Variants in SOX6 observed in about 807,000 individuals in gnomAD.
SOX6 encodes the protein transcription factor SOX-6.
A neutral mutation model predicts 97.8 loss-of-function variants in SOX6; 11 were observed. That is an observed-to-expected ratio of 0.11 (90% CI 0.07 to 0.19). The LOEUF is 0.19. Among genes scored for constraint, SOX6 ranks in the 10% least tolerant of loss-of-function variants. The pLI, the probability that SOX6 is intolerant of heterozygous loss-of-function variation, is 1.00. For missense variants in SOX6, 810 were observed against 1,039.5 expected (o/e 0.78, Z 3.04); for synonymous variants, 360 against 371.4 (o/e 0.97, Z 0.35).
At chr11:16,514,531 T>A (rs1860932844) in intron 4 of SOX6, among the ~76,000 whole-genome samples, 1 of 152,056 alleles carries the variant, frequency 6.6e-6, no homozygotes, top group African/African-American at 2.4e-5. Flanking sequence ...TAATATTTAT[T>A]GTGTCAGAGT....
chr11:16,302,566 C>CTTTTTTTTTTTTTT (rs71044096), intron 3 of SOX6, among the ~76,000 whole-genome samples: 7 of 86,998 alleles, frequency 8.0e-5, no homozygotes, highest in Non-Finnish European at 1.3e-4. Flanking sequence ...TTCTTTTTTT[C>CTTTTTTTTTTTTTT]TTTTTTTTTT....
chr11:16,528,160 G>T (rs879893732), intron 4 of SOX6, among the ~76,000 whole-genome samples: 4 of 152,068 alleles, frequency 2.6e-5, no homozygotes, highest in Non-Finnish European at 4.4e-5. Flanking sequence ...AGGCCCGGTA[G>T]AAATTTTACA....
chr11:16,507,290 AT>A (rs1454987329), intron 4 of SOX6, among the ~76,000 whole-genome samples: 1 of 152,092 alleles, frequency 6.6e-6, no homozygotes, highest in African/African-American at 2.4e-5. Flanking sequence ...AATTTCAGGT[AT>A]TTCTTTACAG....
rs777832931 is a variant in SOX6 at position 16,046,554 on chromosome 11, G to T, written c.1583C>A (p.Ser528Tyr). 3.7e-6 allele frequency: 6 copies of T among 1,613,684 alleles called. No individual in the cohort carries two copies. Among genetic ancestry groups the T allele is most frequent in the Non-Finnish European group, 5.1e-6 (6 of 1,179,764 alleles). Reference protein sequence around the residue: ...QPHGVDGKLSSINNMGLNSCR... With the variant: ...QPHGVDGKLSYINNMGLNSCR... Reference sequence around the variant, plus strand: ...GCTGTTCAGCCCCATATTATTTATGGAGGACAGTTTCCCGTCAACACCATG... The same window carrying T: ...GCTGTTCAGCCCCATATTATTTATGTAGGACAGTTTCCCGTCAACACCATG... Residue 528 changes from serine to tyrosine, a missense_variant, in exon 12 of 16, where the codon TCC becomes TAC. Physicochemically the swap from Ser to Tyr is moderately radical, Grantham distance 144. Coordinates refer to ENST00000683767, the MANE Select transcript of SOX6 (RefSeq NM_001367873.1).
chr11:16,168,540 T>A (rs1279860769), intron 6 of SOX6, among the ~76,000 whole-genome samples: 2 of 152,308 alleles, frequency 1.3e-5, no homozygotes, highest in East Asian at 3.9e-4. Flanking sequence ...GAACATGTTA[T>A]TTCTACTAAA....
chr11:16,190,014 A>G (rs1851587258), intron 4 of SOX6, among the ~76,000 whole-genome samples: 1 of 152,206 alleles, frequency 6.6e-6, no homozygotes, highest in Admixed American at 6.6e-5. Flanking sequence ...TCCTCTGCAT[A>G]GGCACAGAGA....
At chr11:16,372,350 T>C (rs763641141) in intron 1 of SOX6, among the ~76,000 whole-genome samples, 1 of 152,000 alleles carries the variant, frequency 6.6e-6, no homozygotes, top group African/African-American at 2.4e-5. Context: ...AATAGACATA[T>C]GTATATTTTC....
chr11:16,692,056 CGT>C (rs755479047), intron 3 of SOX6, among the ~76,000 whole-genome samples: 2,641 of 144,336 alleles, frequency 0.018, 48 homozygotes, highest in African/African-American at 0.036. Context: ...TTTGCGTGTG[CGT>C]GTGTGTGTGT....
intron 4 of SOX6, among the ~76,000 whole-genome samples, chr11:16,583,739 C>G (rs1848063061): frequency 6.6e-6 from 1 of 150,556 alleles, no homozygotes; most frequent in African/African-American, 2.4e-5. Flanking sequence ...GCAGATATCT[C>G]TTCCATATAC....
At chr11:16,104,706 A>G (rs1393544764) in intron 7 of SOX6, among the ~76,000 whole-genome samples, 1 of 152,016 alleles carries the variant, frequency 6.6e-6, no homozygotes, top group Non-Finnish European at 1.5e-5. Context: ...ATGGTGCTCA[A>G]TAAATGCTAA....
At chr11:16,015,787 T>A (rs1854865619) in intron 12 of SOX6, among the ~76,000 whole-genome samples, 1 of 151,952 alleles carries the variant, frequency 6.6e-6, no homozygotes, top group South Asian at 2.1e-4. Context: ...TTGACCATCA[T>A]TAATATGGTG....
chr11:16,482,148 T>C (rs1042106602), intron 4 of SOX6, among the ~76,000 whole-genome samples: 2 of 152,182 alleles, frequency 1.3e-5, no homozygotes, highest in African/African-American at 4.8e-5. Flanking sequence ...AATGTTTTAA[T>C]AGCCTTTTCA....
At chr11:16,556,025 G>A (rs1847744618) in intron 4 of SOX6, among the ~76,000 whole-genome samples, 1 of 151,102 alleles carries the variant, frequency 6.6e-6, no homozygotes, top group South Asian at 2.1e-4. Context: ...TTAAAAATGA[G>A]GACTTACACA....
At chr11:16,215,983 G>A (rs775628014) in intron 4 of SOX6, among the ~76,000 whole-genome samples, 1 of 152,244 alleles carries the variant, frequency 6.6e-6, no homozygotes, top group East Asian at 1.9e-4. Flanking sequence ...GACAAGGGCA[G>A]GAGCTTTAGC....
chr11:16,675,639 G>T (rs1460267800), intron 3 of SOX6, among the ~76,000 whole-genome samples: 3 of 152,090 alleles, frequency 2.0e-5, no homozygotes, highest in Non-Finnish European at 4.4e-5. Context: ...TGTAGGTAAG[G>T]TCTACTAGAG....
upstream of SOX6, among the ~76,000 whole-genome samples, chr11:16,480,846 A>G (rs138342604): frequency 3.3e-4 from 51 of 152,272 alleles, no homozygotes; most frequent in African/African-American, 1.2e-3. Context: ...TTAAAACTGA[A>G]GTCAAGAATT....
At chr11:16,287,009 G>C (rs953832952) in intron 3 of SOX6, among the ~76,000 whole-genome samples, 22 of 151,768 alleles carry the variant, frequency 1.4e-4, no homozygotes, top group African/African-American at 5.1e-4. Flanking sequence ...TATGAAAAAT[G>C]CTAGAAAAAA....
chr11:16,503,617 T>C (rs1054393454), intron 4 of SOX6, among the ~76,000 whole-genome samples: 12 of 152,028 alleles, frequency 7.9e-5, no homozygotes, highest in African/African-American at 2.4e-4. Context: ...CACAAAGGAA[T>C]ACCAAAAGTC....
chr11:16,029,762 C>T (rs895734692), intron 12 of SOX6, among the ~76,000 whole-genome samples: 3 of 152,186 alleles, frequency 2.0e-5, no homozygotes, highest in African/African-American at 7.2e-5. Flanking sequence ...TATAATTAGC[C>T]GTTTTTAAAT....
Sources: gnomAD v4.1 joint callset for allele counts (sites outside exome capture counted in the v4.1 genomes callset) on GRCh38, gnomAD v4.1.1 for gene constraint, MANE v1.5 for transcripts, NCBI Gene and HGNC (gene_info 2026-07-23, HGNC 2026-07-21) for gene names.